The following BBS9 variants were observed in gnomAD, a reference collection of about 807,000 sequenced individuals.
The protein encoded by BBS9 is protein PTHB1.
Under a neutral mutation model 117.7 loss-of-function variants are expected in BBS9, and 89 were observed. The observed-to-expected ratio is 0.76, with a 90% confidence interval of 0.64 to 0.90. BBS9 has a LOEUF of 0.90. BBS9 is among the 40% of genes least tolerant of loss of function. The pLI is 0.00. For missense variants in BBS9, 982 were observed against 1,042.2 expected (o/e 0.94, Z 0.80); for synonymous variants, 379 against 370.9 (o/e 1.02, Z -0.25).
At chr7:33,203,827 A>G (rs1282714123) in intron 5 of BBS9, among the ~76,000 whole-genome samples, 1 of 151,548 alleles carries the variant, frequency 6.6e-6, no homozygotes. Flanking sequence ...GGCTCAAGCA[A>G]TTCTCCTGCC....
intron 11 of BBS9, among the ~76,000 whole-genome samples, chr7:33,343,486 A>C (rs965615494): frequency 6.6e-5 from 10 of 151,660 alleles, no homozygotes; most frequent in Non-Finnish European, 2.9e-5. Context: ...CCTTCCTTCC[A>C]TTCCCCTCCC....
chr7:33,300,117 G>A (rs1806077018), intron 9 of BBS9, among the ~76,000 whole-genome samples: 1 of 152,216 alleles, frequency 6.6e-6, no homozygotes, highest in Admixed American at 6.5e-5. Context: ...AGAGAGTAGT[G>A]TAGCTATAAG....
chr7:33,234,220 AG>A lies in BBS9; in HGVS notation c.443-23014del, dbSNP rs1446143370. ...ATCTTTATCATATGTATGTATGTATAGGAAAAAACAGTGTGTGTATAGGGTT... is the reference window on the plus strand; with the variant it reads ...ATCTTTATCATATGTATGTATGTATAGAAAAAACAGTGTGTGTATAGGGTT... On this transcript the variant is annotated intron_variant, in intron 5 of 22. Coordinates refer to ENST00000242067, the MANE Select transcript of BBS9 (RefSeq NM_198428.3). 4.6e-5 allele frequency among the ~76,000 whole-genome samples: 7 copies of A among 152,256 alleles called. No homozygotes were observed. In the South Asian group the frequency reaches 1.2e-3, roughly 27 times the overall value.
intron 5 of BBS9, among the ~76,000 whole-genome samples, chr7:33,197,263 G>A (rs570936077): frequency 2.5e-4 from 38 of 152,120 alleles, no homozygotes; most frequent in Admixed American, 2.4e-3. Flanking sequence ...ATAGTTCATC[G>A]TGGTCTCTTT....
At chr7:33,569,716 C>T (rs552693704) in intron 21 of BBS9, among the ~76,000 whole-genome samples, 40 of 151,976 alleles carry the variant, frequency 2.6e-4, no homozygotes, top group Non-Finnish European at 4.6e-4. Context: ...GAGCCGAGAT[C>T]GCGCCACTGC....
chr7:33,590,451 GTTTTTTTGTTTTTTTT>G (rs920081934), intron 21 of BBS9, among the ~76,000 whole-genome samples: 25 of 84,448 alleles, frequency 3.0e-4, no homozygotes, highest in Admixed American at 1.5e-3. Flanking sequence ...TTGTTTTTTT[GTTTTTTTGTTTTTTTT>G]TTTTTTTTTT....
intron 4 of BBS9, among the ~76,000 whole-genome samples, chr7:33,172,717 A>G (rs1410681707): frequency 1.3e-4 from 20 of 152,232 alleles, no homozygotes; most frequent in Admixed American, 1.3e-3. Flanking sequence ...ATTGTTAACC[A>G]GGCAACAAAT....
chr7:33,474,855 G>T (rs769794026), intron 19 of BBS9, among the ~76,000 whole-genome samples: 18 of 152,176 alleles, frequency 1.2e-4, no homozygotes, highest in Non-Finnish European at 2.4e-4. Flanking sequence ...CTGAGGCAGA[G>T]AATTGCTTGA....
At chr7:33,569,649 C>T (rs1362315092) in intron 21 of BBS9, among the ~76,000 whole-genome samples, 2 of 151,770 alleles carry the variant, frequency 1.3e-5, no homozygotes, top group Admixed American at 6.6e-5. Context: ...ATAGTCCTAG[C>T]TACTCAGGAG....
At chr7:33,226,918 A>C (rs1176206028) in intron 5 of BBS9, among the ~76,000 whole-genome samples, 3 of 152,174 alleles carry the variant, frequency 2.0e-5, no homozygotes, top group African/African-American at 7.2e-5. Flanking sequence ...TATTTGATAG[A>C]TACAAACTTT....
At chr7:33,389,901 CTT>C (rs1826761240) in intron 19 of BBS9, among the ~76,000 whole-genome samples, 1 of 151,978 alleles carries the variant, frequency 6.6e-6, no homozygotes, top group Non-Finnish European at 1.5e-5. Context: ...GATGACTACT[CTT>C]TTGTTACAAA....
intron 5 of BBS9, among the ~76,000 whole-genome samples, chr7:33,180,195 C>T (rs1465532771): frequency 2.6e-5 from 4 of 152,138 alleles, no homozygotes; most frequent in African/African-American, 4.8e-5. Context: ...TCAGAATTAG[C>T]TTAGACTGTG....
At chr7:33,606,537 G>A (rs906376734), downstream of BBS9, among the ~76,000 whole-genome samples, 2 of 152,136 alleles carry the variant, frequency 1.3e-5, no homozygotes, top group African/African-American at 4.8e-5. Context: ...CGGCACAACT[G>A]CCAAGGCCTA....
In BBS9 at chr7:33,149,775, T is replaced by C. The variant is rs536995343; in HGVS notation, c.113-2926T>C. Among the ~76,000 whole-genome samples, 160 of 152,356 alleles carry C rather than the reference T, an allele frequency of 1.1e-3. 1 individual carries two copies. The highest frequency in any genetic ancestry group is 3.8e-3 in the African/African-American group (156 of 41,586). ...AGAGTCAGACTTATCTGAGATCTGGTTACTATACTAGTCCTGCAAAGTATT... is the reference window on the plus strand; with the variant it reads ...AGAGTCAGACTTATCTGAGATCTGGCTACTATACTAGTCCTGCAAAGTATT... On this transcript the variant is annotated intron_variant, in intron 2 of 22. Transcript: ENST00000242067.
At chr7:33,597,982 C>T (rs547213380) in intron 21 of BBS9, among the ~76,000 whole-genome samples, 5 of 152,010 alleles carry the variant, frequency 3.3e-5, no homozygotes, top group East Asian at 1.9e-4. Flanking sequence ...TGCTCACAGT[C>T]GGCCTCAGCA....
intron 21 of BBS9, among the ~76,000 whole-genome samples, chr7:33,603,057 T>A (rs1440336492): frequency 6.6e-6 from 1 of 152,150 alleles, no homozygotes; most frequent in Non-Finnish European, 1.5e-5. Flanking sequence ...AATTTATCAG[T>A]GGAGACCTGC....
At chr7:33,334,014 G>A (rs1814726554) in intron 9 of BBS9, among the ~76,000 whole-genome samples, 1 of 152,074 alleles carries the variant, frequency 6.6e-6, no homozygotes, top group Non-Finnish European at 1.5e-5. Context: ...TTTTGGTGAG[G>A]GAAGACCCTG....
intron 19 of BBS9, among the ~76,000 whole-genome samples, chr7:33,454,534 G>A (rs1838350476): frequency 6.6e-6 from 1 of 152,200 alleles, no homozygotes; most frequent in Non-Finnish European, 1.5e-5. Flanking sequence ...AATAATCTTT[G>A]ATACTGGAGA....
chr7:33,217,768 C>T (rs1789361671), intron 5 of BBS9, among the ~76,000 whole-genome samples: 1 of 152,144 alleles, frequency 6.6e-6, no homozygotes, highest in South Asian at 2.1e-4. Flanking sequence ...TTCCATCTGA[C>T]CTGCAGAAAA....
Sources: allele counts gnomAD v4.1 joint callset (sites outside exome capture counted in the v4.1 genomes callset), GRCh38; gene constraint gnomAD v4.1.1; transcripts MANE v1.5; gene names NCBI Gene and HGNC (gene_info 2026-07-23, HGNC 2026-07-21).